EIF4E2: variants seen among roughly 807,000 people sequenced by gnomAD.
EIF4E2 encodes eukaryotic translation initiation factor 4E family member 2, also known as eukaryotic translation initiation factor 4E type 2.
Under a neutral mutation model 34.2 loss-of-function variants are expected in EIF4E2, and 13 were observed. That is an observed-to-expected ratio of 0.38 (90% CI 0.25 to 0.60). The LOEUF (loss-of-function observed/expected upper bound fraction) is 0.60. Ranked by LOEUF, EIF4E2 falls within the 20% of genes least tolerant of loss-of-function variation. The probability of loss-of-function intolerance (pLI) is 0.62; values close to 1 mark genes in which losing one functional copy is unlikely to be tolerated. For missense variants in EIF4E2, 222 were observed against 315.1 expected (o/e 0.70, Z 2.24); for synonymous variants, 100 against 106.6 (o/e 0.94, Z 0.38).
chr2:232,574,232 G>A, intron 6 of EIF4E2: 1 of 1,546,282 alleles, frequency 6.5e-7, no homozygotes, highest in East Asian at 2.4e-5. Flanking sequence ...ATCTGAATGT[G>A]CTATTGTGTT....
chr2:232,565,812 A>G (rs1188256064), intron 4 of EIF4E2, among the ~76,000 whole-genome samples: 1 of 151,974 alleles, frequency 6.6e-6, no homozygotes, highest in Non-Finnish European at 1.5e-5. Context: ...TTGGGGCTTC[A>G]GCCAGGCGCA....
downstream of EIF4E2, chr2:232,573,976 C>A (rs1337714992): frequency 6.5e-6 from 4 of 617,042 alleles, no homozygotes; most frequent in South Asian, 1.6e-5. Flanking sequence ...TTACTGGCCT[C>A]CCCTGGAGCC....
chr2:232,567,529 G>C, intron 6 of EIF4E2: 3 of 1,239,142 alleles, frequency 2.4e-6, no homozygotes, highest in Non-Finnish European at 2.0e-6. Flanking sequence ...AAAGACAAGT[G>C]CTTTTCTTTT....
chr2:232,574,184 G>A (rs2106254653), downstream of EIF4E2: 2 of 1,390,348 alleles, frequency 1.4e-6, no homozygotes, highest in East Asian at 2.5e-5. Flanking sequence ...GGGGGATGTG[G>A]GGTTATTGTG....
At chr2:232,574,636 C>T (rs535788296) in intron 6 of EIF4E2, among the ~76,000 whole-genome samples, 2 of 152,310 alleles carry the variant, frequency 1.3e-5, no homozygotes, top group African/African-American at 2.4e-5. Flanking sequence ...AAATGTGCCA[C>T]AGATGCTTTT....
In EIF4E2 at chr2:232,556,587, G is replaced by A; in HGVS notation, c.135+57G>A. The A allele has an allele frequency of 2.4e-6, 3 of 1,252,192 alleles. No homozygotes were observed. The Admixed American group carries it at 5.9e-5, about 24-fold the overall frequency. 77.6% of individuals were successfully genotyped at this position (1,252,192 alleles called of 1,614,324 possible). The stretch of plus-strand genomic sequence containing the variant: ...TTGAACTTGAGACTTTTATTATCTT[G>A]TGGAATCTGTTTATCTGGAAGATAC... On this transcript the variant is annotated intron_variant, in intron 2 of 6. Transcript: ENST00000258416.
At chr2:232,580,065 G>T (rs1693307725) in intron 6 of EIF4E2, among the ~76,000 whole-genome samples, 1 of 146,772 alleles carries the variant, frequency 6.8e-6, no homozygotes, top group South Asian at 2.2e-4. Flanking sequence ...GACACATATT[G>T]GGATCCCCCA....
At chr2:232,558,560 AG>A (rs995675734) in intron 3 of EIF4E2, 2 of 150,610 alleles carry the variant, frequency 1.3e-5, no homozygotes, top group Non-Finnish European at 2.9e-5. Flanking sequence ...GCTGGATTAC[AG>A]GAGTGAGCCG....
Position 232,567,443 on chromosome 2 carries a change from C to G in EIF4E2, c.665+229C>G, listed in dbSNP as rs1437829474. On this transcript the variant is annotated intron_variant, in intron 6 of 6. Transcript: ENST00000258416. Reference sequence around the variant, plus strand: ...GCAGAGAGAGCCCATCTGCAGAAACCCAGTTGTACTACCTGGGCTTGCTTA... The same window carrying G: ...GCAGAGAGAGCCCATCTGCAGAAACGCAGTTGTACTACCTGGGCTTGCTTA... 6.0e-6 allele frequency: 8 copies of G among 1,344,044 alleles called. No homozygotes were observed. The African/African-American group carries it at 7.5e-5, about 13-fold the overall frequency. 83.3% of individuals were successfully genotyped at this position (1,344,044 alleles called of 1,614,324 possible). A position where few individuals can be genotyped will look rare whatever the true frequency, so the allele number is the denominator to read the frequency against.
At chr2:232,574,363 C>G in intron 6 of EIF4E2, 1 of 1,549,610 alleles carries the variant, frequency 6.5e-7, no homozygotes, top group Non-Finnish European at 8.7e-7. Flanking sequence ...TCTATCTTCT[C>G]TGTAACCCTG....
At chr2:232,565,792 T>TCTTCTACTG (rs1574669252) in intron 4 of EIF4E2, among the ~76,000 whole-genome samples, 2 of 152,202 alleles carry the variant, frequency 1.3e-5, no homozygotes, top group East Asian at 3.9e-4. Context: ...GGACTGGATC[T>TCTTCTACTG]GAGTAGAGAT....
downstream of EIF4E2, among the ~76,000 whole-genome samples, chr2:232,571,028 A>C (rs1693079501): frequency 6.6e-6 from 1 of 152,192 alleles, no homozygotes; most frequent in South Asian, 2.1e-4. Context: ...GCTGGTGGTG[A>C]GGGGAGTTTT....
At chr2:232,572,818 G>A (rs934113107), downstream of EIF4E2, among the ~76,000 whole-genome samples, 10 of 152,196 alleles carry the variant, frequency 6.6e-5, no homozygotes, top group African/African-American at 1.9e-4. Context: ...AGAACTGCTC[G>A]GTGTAGGCTA....
intron 6 of EIF4E2, among the ~76,000 whole-genome samples, chr2:232,574,899 G>C (rs1693173085): frequency 6.6e-6 from 1 of 152,246 alleles, no homozygotes; most frequent in Admixed American, 6.5e-5. Flanking sequence ...AACTGTACTA[G>C]TAGGGAGAGG....
exon 7 of EIF4E2, chr2:232,583,050 A>C (rs543741094): frequency 6.6e-6 from 1 of 152,090 alleles, no homozygotes; most frequent in African/African-American, 2.4e-5. Context: ...TAAACCCTCT[A>C]TTTTTCCAAA....
chr2:232,582,991 G>A (rs1222809711), exon 7 of EIF4E2: 1 of 152,194 alleles, frequency 6.6e-6, no homozygotes, highest in Admixed American at 6.5e-5. Flanking sequence ...TGTTCTCCCA[G>A]ATATTCTGCC....
intron 1 of EIF4E2, among the ~76,000 whole-genome samples, chr2:232,553,545 A>G (rs1331278501): frequency 1.3e-5 from 2 of 152,248 alleles, no homozygotes; most frequent in Non-Finnish European, 2.9e-5. Context: ...TAGCAAGCTA[A>G]CTAAAGTGCC....
chr2:232,558,874 G>T (rs1467590756), intron 3 of EIF4E2: 3 of 152,072 alleles, frequency 2.0e-5, no homozygotes, highest in Non-Finnish European at 4.4e-5. Flanking sequence ...CAGTCAGAGA[G>T]CCCAGACTGT....
intron 3 of EIF4E2, 121 bp downstream of exon 3, chr2:232,558,139 C>T: frequency 7.4e-7 from 1 of 1,342,628 alleles, no homozygotes; most frequent in Non-Finnish European, 1.0e-6. Flanking sequence ...ATTGACTGAC[C>T]TGAGTCTCCG....
Sources: allele counts gnomAD v4.1 joint callset (sites outside exome capture counted in the v4.1 genomes callset), GRCh38; gene constraint gnomAD v4.1.1; transcripts MANE v1.5; gene names NCBI Gene and HGNC (gene_info 2026-07-23, HGNC 2026-07-21).